The following MYO5A variants were observed in gnomAD, a reference collection of about 807,000 sequenced individuals.
MYO5A encodes myosin VA.
Under a neutral mutation model 249.7 loss-of-function variants are expected in MYO5A, and 98 were observed. The ratio of observed to expected loss-of-function variants is 0.39; its 90% CI spans 0.33 to 0.46. The LOEUF is 0.46. Among genes scored for constraint, MYO5A ranks in the 20% least tolerant of loss-of-function variants. The pLI is 0.98. For synonymous variants in MYO5A, 778 were observed against 810.6 expected, an observed-to-expected ratio of 0.96 and a Z score of 0.68; for missense variants, 1,696 against 2,308.8, an observed-to-expected ratio of 0.73 and a Z score of 5.44.
intron 14 of MYO5A, 32 bp from the exon 15 acceptor site, chr15:52,384,354 T>G: frequency 6.2e-7 from 1 of 1,607,718 alleles, no homozygotes. Flanking sequence ...GAAATTACAT[T>G]CTAAACCAAA....
intron 30 of MYO5A, 115 bp from the exon 31 acceptor site, chr15:52,343,312 T>A: frequency 1.1e-6 from 1 of 898,504 alleles, no homozygotes; most frequent in Non-Finnish European, 1.8e-6. Flanking sequence ...TTGTTTTTAT[T>A]CATTATGACA....
intron 35 of MYO5A, among the ~76,000 whole-genome samples, chr15:52,328,219 C>A (rs565852943): frequency 2.0e-5 from 3 of 152,136 alleles, no homozygotes; most frequent in Non-Finnish European, 4.4e-5. Flanking sequence ...ATATCTCCTG[C>A]GCTGACTTTT....
At position 52,474,000 on chromosome 15, in the gene MYO5A, G is replaced by A. The variant is rs572774005; in HGVS notation, c.28-40715C>T. Among the ~76,000 whole-genome samples, 19 of 152,246 alleles carry A rather than the reference G, an allele frequency of 1.2e-4. No individual in the cohort carries two copies. In the South Asian group the frequency reaches 1.4e-3, roughly 12 times the overall value. On this transcript the variant is annotated intron_variant, in intron 1 of 41. Transcript: ENST00000399233. ...CCTTGGGCAGTATGGCCATTTTCAC[G>A]ATATTGATTCTTCCTATCCATGAGC...
chr15:52,490,175 T>C (rs1456368546), intron 1 of MYO5A, among the ~76,000 whole-genome samples: 1 of 152,170 alleles, frequency 6.6e-6, no homozygotes, highest in Non-Finnish European at 1.5e-5. Context: ...GAAAACAGTA[T>C]GGTGGTTCCT....
At chr15:52,412,875 C>T (rs952650109) in intron 5 of MYO5A, among the ~76,000 whole-genome samples, 3 of 152,080 alleles carry the variant, frequency 2.0e-5, no homozygotes, top group East Asian at 1.9e-4. Flanking sequence ...TGGCTGGGTG[C>T]GGTGGCTCAT....
intron 1 of MYO5A, among the ~76,000 whole-genome samples, chr15:52,507,800 TC>T (rs774682773): frequency 6.3e-5 from 5 of 79,222 alleles, no homozygotes; most frequent in African/African-American, 6.4e-5. Flanking sequence ...TGAGACCCTG[TC>T]CCCAAAAAAA....
At chr15:52,329,704 T>C (rs2038780450) in intron 35 of MYO5A, among the ~76,000 whole-genome samples, 1 of 152,202 alleles carries the variant, frequency 6.6e-6, no homozygotes, top group African/African-American at 2.4e-5. Context: ...AGAGCAGTTG[T>C]GCTCAACTGT....
At position 52,387,846 on chromosome 15, in the gene MYO5A, C is replaced by T; in HGVS notation, c.1735G>A (p.Val579Ile). ...KDTVFEEQIK[V>I]LKSSKFKMLP... ...ATAGTTACCTTGCTTGATTTAAGAA[C>T]TTTAATTTGTTCTTCAAAAACGGTG... Residue 579 changes from valine to isoleucine, a missense_variant, in exon 14 of 42, where the codon GTT becomes ATT. Physicochemically the swap from Val to Ile is conservative, Grantham distance 29. This residue lies in a region of MYO5A where 277 missense variants were observed against 422.4 expected (regional missense o/e 0.66). Transcript: ENST00000399233. The T allele has an allele frequency of 1.2e-6, 2 of 1,609,152 alleles. No individual in the cohort carries two copies. Among genetic ancestry groups the T allele is most frequent in the Non-Finnish European group, 1.7e-6 (2 of 1,175,940 alleles).
intron 2 of MYO5A, among the ~76,000 whole-genome samples, chr15:52,430,108 T>C (rs1188289473): frequency 6.6e-6 from 1 of 152,252 alleles, no homozygotes; most frequent in Non-Finnish European, 1.5e-5. Context: ...ATTCAAATCA[T>C]ATTTGAACGA....
rs748129718 is a variant in MYO5A at position 52,372,296 on chromosome 15, T to C, written c.2645A>G (p.Tyr882Cys). The C allele has an allele frequency of 6.2e-6, 10 of 1,609,886 alleles. No individual in the cohort carries two copies. The highest frequency in any genetic ancestry group is 5.5e-5 in the South Asian group (5 of 91,058). ...RVRGWLARTH[Y>C]KRSMHAIIYL... ...GATGATGGCATGCATGCTCCTCTTG[T>C]AGTGTGTGCGGGCCAGCCAGCCCCG... Residue 882 changes from tyrosine to cysteine, a missense_variant, in exon 21 of 42, where the codon TAC (tyrosine) becomes TGC (cysteine). Coordinates refer to ENST00000399233, the MANE Select transcript of MYO5A (RefSeq NM_001382347.1).
At chr15:52,431,684 T>TAA (rs56264450) in intron 2 of MYO5A, among the ~76,000 whole-genome samples, 28 of 140,598 alleles carry the variant, frequency 2.0e-4, no homozygotes, top group East Asian at 1.0e-3. Context: ...GTGCTATATC[T>TAA]AAAAAAAAAA....
intron 33 of MYO5A, 142 bp downstream of exon 33, chr15:52,337,668 A>T (rs1318529437): frequency 2.2e-5 from 13 of 580,614 alleles, no homozygotes; most frequent in Non-Finnish European, 3.9e-5. Flanking sequence ...CACTGGCTAA[A>T]AGACAGCTGT....
At chr15:52,478,835 G>C (rs2076654756) in intron 1 of MYO5A, among the ~76,000 whole-genome samples, 1 of 152,128 alleles carries the variant, frequency 6.6e-6, no homozygotes, top group African/African-American at 2.4e-5. Flanking sequence ...GCTCACTCAA[G>C]CAACAGCAAC....
At chr15:52,493,910 G>C (rs1482714105) in intron 1 of MYO5A, among the ~76,000 whole-genome samples, 2 of 152,068 alleles carry the variant, frequency 1.3e-5, no homozygotes, top group Non-Finnish European at 2.9e-5. Context: ...TAAATTATCT[G>C]AAACAAAAAT....
chr15:52,363,425 G>C (rs1309452223), intron 24 of MYO5A, among the ~76,000 whole-genome samples: 1 of 152,152 alleles, frequency 6.6e-6, no homozygotes, highest in East Asian at 1.9e-4. Flanking sequence ...AGTAGTGAGG[G>C]TTGAAATAAT....
intron 1 of MYO5A, among the ~76,000 whole-genome samples, chr15:52,508,254 C>T (rs2077314762): frequency 1.3e-5 from 2 of 152,006 alleles, no homozygotes; most frequent in African/African-American, 2.4e-5. Context: ...TCACACAAGT[C>T]CTAAAATGGC....
At chr15:52,458,156 A>G (rs1023055706) in intron 1 of MYO5A, among the ~76,000 whole-genome samples, 13 of 152,366 alleles carry the variant, frequency 8.5e-5, no homozygotes, top group Non-Finnish European at 1.8e-4. Flanking sequence ...GTACAAACAT[A>G]CTGTTAGAAG....
intron 34 of MYO5A, chr15:52,331,744 G>A (rs1349576148): frequency 3.0e-6 from 3 of 985,414 alleles, no homozygotes; most frequent in South Asian, 4.7e-5. Flanking sequence ...GTGACACACC[G>A]TCCACCTCAT....
At chr15:52,444,208 T>G (rs1257865865) in intron 1 of MYO5A, among the ~76,000 whole-genome samples, 1 of 152,216 alleles carries the variant, frequency 6.6e-6, no homozygotes, top group Non-Finnish European at 1.5e-5. Flanking sequence ...GTGTAAAGAT[T>G]ATTTTCAGAA....
Sources: allele counts gnomAD v4.1 joint callset (sites outside exome capture counted in the v4.1 genomes callset), GRCh38; gene constraint gnomAD v4.1.1; regional missense constraint gnomAD v4.1.1; transcripts MANE v1.5; gene names NCBI Gene and HGNC (gene_info 2026-07-23, HGNC 2026-07-21).